The following SLC7A5 variants were observed in gnomAD, a reference collection of about 807,000 sequenced individuals.
SLC7A5 encodes the protein solute carrier family 7 member 5.
A neutral mutation model predicts 50.2 loss-of-function variants in SLC7A5; 23 were observed. The ratio of observed to expected loss-of-function variants is 0.46; its 90% CI spans 0.33 to 0.65. SLC7A5 has a LOEUF of 0.65. Ranked by LOEUF, SLC7A5 falls within the 30% of genes least tolerant of loss-of-function variation. The pLI, the probability that SLC7A5 is intolerant of heterozygous loss-of-function variation, is 0.02. For missense variants in SLC7A5, 578 were observed against 684.4 expected (o/e 0.84, Z 1.73); for synonymous variants, 393 against 330.6 (o/e 1.19, Z -2.05).
intron 1 of SLC7A5, among the ~76,000 whole-genome samples, chr16:87,854,209 A>G (rs1253570349): frequency 6.6e-6 from 1 of 152,000 alleles, no homozygotes; most frequent in Non-Finnish European, 1.5e-5. Flanking sequence ...GGAAATAACC[A>G]CAGGACAGAC....
At position 87,853,911 on chromosome 16, in the gene SLC7A5, TCTGCGGCTGTCA is replaced by T. The variant is rs957833089; in HGVS notation, c.539-2074_539-2063del. On this transcript the variant is annotated intron_variant, in intron 1 of 9. Transcript: ENST00000261622. The surrounding 1 kb of genome is among the most constrained non-coding windows in gnomAD (Gnocchi z 4.4). ...GAGCACTGCCCTCGCGGCTGTCACG[TCTGCGGCTGTCA>T]CGTCTGCTAGGGGGTTGGGGGGTCC... is the stretch of plus-strand genomic sequence containing the variant. 1.8e-5 allele frequency: 2 copies of T among 109,134 alleles called. No homozygotes were observed. Among genetic ancestry groups the T allele is most frequent in the Non-Finnish European group, 4.5e-5 (2 of 44,272 alleles). 6.8% of individuals were successfully genotyped at this position (109,134 alleles called of 1,614,324 possible). A position where few individuals can be genotyped will look rare whatever the true frequency, so the allele number is the denominator to read the frequency against.
rs143949263 is a variant in SLC7A5 at position 87,841,292 on chromosome 16, G to T, written c.665-137C>A. The T allele has an allele frequency of 1.5e-6, 1 of 683,816 alleles. No homozygotes were observed. Among genetic ancestry groups the T allele is most frequent in the Non-Finnish European group, 2.7e-6 (1 of 372,594 alleles). 42.4% of individuals were successfully genotyped at this position (683,816 alleles called of 1,614,324 possible). On this transcript the variant is annotated intron_variant, in intron 2 of 9. Coordinates refer to ENST00000261622, the MANE Select transcript of SLC7A5 (RefSeq NM_003486.7). This position sits in a 1 kb window ranked among gnomAD's most constrained non-coding sequence, Gnocchi z 4.8. ...TGAAGGCTTTTCACTGTGACAAATG[G>T]TATGTACCTGCTGAGCCACATGGAG...
intron 8 of SLC7A5, among the ~76,000 whole-genome samples, chr16:87,834,979 C>T (rs1172162711): frequency 6.6e-6 from 1 of 152,276 alleles, no homozygotes; most frequent in African/African-American, 2.4e-5. Context: ...CAGGAGACCA[C>T]CCTCTTGGAG....
rs546371265 is a variant in SLC7A5 at position 87,845,697 on chromosome 16, C to T, written c.665-4542G>A. Among the ~76,000 whole-genome samples the T allele has an allele frequency of 7.9e-5, 12 of 152,320 alleles. No homozygotes were observed. The South Asian group carries it at 2.1e-3, about 26-fold the overall frequency. On this transcript the variant is annotated intron_variant, in intron 2 of 9. Transcript: ENST00000261622. ...CTTTTGGACCACCAGCAGTGTCTGT[C>T]GGTCTTGGAAACTCATGAAGGAGTG...
intron 2 of SLC7A5, among the ~76,000 whole-genome samples, chr16:87,849,764 C>T (rs1055060469): frequency 6.6e-6 from 1 of 152,106 alleles, no homozygotes; most frequent in African/African-American, 2.4e-5. Context: ...AGAATTGGGA[C>T]TTCCTGCCAG....
chr16:87,856,108 C>T (rs4843272), intron 1 of SLC7A5, among the ~76,000 whole-genome samples: 49,113 of 152,128 alleles, frequency 0.32, 8,791 homozygotes, highest in East Asian at 0.68. Flanking sequence ...CCCAGGCAGG[C>T]GTCCAGCCCA....
rs1177330224 is a variant in SLC7A5, at chr16:87,862,101, G to C, written c.538+6784C>G. 1.3e-5 allele frequency among the ~76,000 whole-genome samples: 2 copies of C among 152,128 alleles called. No individual in the cohort carries two copies. The highest frequency in any genetic ancestry group is 2.9e-5 in the Non-Finnish European group (2 of 68,020). On this transcript the variant is annotated intron_variant, in intron 1 of 9. Coordinates refer to ENST00000261622, the MANE Select transcript of SLC7A5 (RefSeq NM_003486.7). This position sits in a 1 kb window ranked among gnomAD's most constrained non-coding sequence, Gnocchi z 5.3. ...CCAACCCGGGGCCAGGTTTTACACA[G>C]GCCTGGACTGAGAAGTGGGGCTACA...
intron 1 of SLC7A5, among the ~76,000 whole-genome samples, chr16:87,865,726 T>G (rs991266871): frequency 6.6e-6 from 1 of 152,030 alleles, no homozygotes; most frequent in Admixed American, 6.6e-5. Flanking sequence ...AAAATAAAAA[T>G]AAATTTAAAA....
At chr16:87,836,438 G>C in intron 8 of SLC7A5, 60 bp downstream of exon 8, 4 of 1,587,934 alleles carry the variant, frequency 2.5e-6, no homozygotes, top group Non-Finnish European at 3.4e-6. Context: ...AGGGTCCTTA[G>C]GACCCACGGA....
Position 87,841,304 on chromosome 16 carries a change from T to C in SLC7A5, c.665-149A>G. ...ACTGTGACAAATGGTATGTACCTGC[T>C]GAGCCACATGGAGGGTGCAGGGTTC... On this transcript the variant is annotated intron_variant, in intron 2 of 9. Coordinates refer to ENST00000261622, the MANE Select transcript of SLC7A5 (RefSeq NM_003486.7). The surrounding 1 kb of genome is among the most constrained non-coding windows in gnomAD (Gnocchi z 4.8). The C allele has an allele frequency of 1.5e-6, 1 of 671,738 alleles. No individual in the cohort carries two copies. Among genetic ancestry groups the C allele is most frequent in the Non-Finnish European group, 2.7e-6 (1 of 365,380 alleles). 41.6% of individuals were successfully genotyped at this position (671,738 alleles called of 1,614,324 possible). A position where few individuals can be genotyped will look rare whatever the true frequency, so the allele number is the denominator to read the frequency against.
intron 1 of SLC7A5, among the ~76,000 whole-genome samples, chr16:87,855,920 A>G (rs2055312342): frequency 6.6e-6 from 1 of 152,000 alleles, no homozygotes; most frequent in Non-Finnish European, 1.5e-5. Context: ...CACAATGAAA[A>G]TCCTCTCTGT....
In SLC7A5 at chr16:87,830,441, G is replaced by A. The variant is rs1256933855; in HGVS notation, c.*2529C>T. 1.3e-5 allele frequency: 2 copies of A among 152,318 alleles called. No homozygotes were observed. Among genetic ancestry groups the A allele is most frequent in the Non-Finnish European group, 2.9e-5 (2 of 68,060 alleles). The allele number at this position is 152,318 out of a possible 1,614,324, so 9.4% of individuals were successfully genotyped here. A position where few individuals can be genotyped will look rare whatever the true frequency, so the allele number is the denominator to read the frequency against. ...GAAACCGCTGGGGACGTTTGTCAGTGGAGTGTGGAGAAAAAGGGACGGAAA... is the reference window on the plus strand; with the variant it reads ...GAAACCGCTGGGGACGTTTGTCAGTAGAGTGTGGAGAAAAAGGGACGGAAA... On this transcript the variant is annotated 3_prime_UTR_variant, in exon 10 of 10. Transcript: ENST00000261622.
intron 8 of SLC7A5, among the ~76,000 whole-genome samples, chr16:87,835,489 C>A (rs62058260): frequency 1.1e-3 from 166 of 152,334 alleles, no homozygotes; most frequent in Non-Finnish European, 2.1e-3. Context: ...TTTAAAGCCC[C>A]TGTTTTTTTT....
intron 1 of SLC7A5, among the ~76,000 whole-genome samples, chr16:87,866,904 C>T (rs964266214): frequency 1.3e-5 from 2 of 152,150 alleles, no homozygotes; most frequent in Admixed American, 6.5e-5. Context: ...CTCCTGGCAC[C>T]AGCAGGAAGT....
intron 8 of SLC7A5, among the ~76,000 whole-genome samples, chr16:87,835,764 G>T (rs140589010): frequency 1.6e-4 from 25 of 152,130 alleles, no homozygotes; most frequent in Admixed American, 1.3e-4. Flanking sequence ...GTGAGCCACC[G>T]CGCCCAGCCT....
At chr16:87,839,588 G>C in intron 5 of SLC7A5, 114 bp downstream of exon 5, 1 of 1,493,328 alleles carries the variant, frequency 6.7e-7, no homozygotes, top group Non-Finnish European at 9.2e-7. Flanking sequence ...AGAGACGCGG[G>C]GCCCCCTCTG....
In SLC7A5 at chr16:87,866,529, G is replaced by A. The variant is rs1567503970; in HGVS notation, c.538+2356C>T. ...TGCCCAGGCTGGAGTGCAGTGGTGCGATCTCAGCTCACTGCAACCTCCACC... is the reference window on the plus strand; with the variant it reads ...TGCCCAGGCTGGAGTGCAGTGGTGCAATCTCAGCTCACTGCAACCTCCACC... On this transcript the variant is annotated intron_variant, in intron 1 of 9. Transcript: ENST00000261622. Among the ~76,000 whole-genome samples, 4 of 151,956 alleles carry A rather than the reference G, an allele frequency of 2.6e-5. No homozygotes were observed. The South Asian group carries it at 8.3e-4, about 32-fold the overall frequency.
At chr16:87,863,172 G>A (rs2055420312) in intron 1 of SLC7A5, among the ~76,000 whole-genome samples, 2 of 152,158 alleles carry the variant, frequency 1.3e-5, no homozygotes, top group Non-Finnish European at 2.9e-5. Context: ...ACTGAGCCAG[G>A]GTATCTTCTC....
rs542608402 is a variant in SLC7A5, at chr16:87,833,138, T to A, written c.1469-113A>T. The A allele has an allele frequency of 3.5e-6, 3 of 860,350 alleles. No individual in the cohort carries two copies. Among genetic ancestry groups the A allele is most frequent in the East Asian group, 4.9e-5 (2 of 40,442 alleles). 53.3% of individuals were successfully genotyped at this position (860,350 alleles called of 1,614,324 possible). On this transcript the variant is annotated intron_variant, in intron 9 of 9. Transcript: ENST00000261622. The surrounding 1 kb of genome is among the most constrained non-coding windows in gnomAD (Gnocchi z 6.0). The stretch of plus-strand genomic sequence containing the variant: ...CTGCTGTCACCAAACCCAGCGCCGC[T>A]GCCCAGCGCTGGGATTTTAAGGAAC...
Sources: gnomAD v4.1 joint callset for allele counts (sites outside exome capture counted in the v4.1 genomes callset) on GRCh38, gnomAD v4.1.1 for gene constraint, Gnocchi (gnomAD v3.1) non-coding constraint, MANE v1.5 for transcripts, NCBI Gene and HGNC (gene_info 2026-07-23, HGNC 2026-07-21) for gene names.